OVCH1: variants seen among roughly 807,000 people sequenced by gnomAD.
OVCH1 encodes the protein ovochymase-1.
A neutral mutation model predicts 138.4 loss-of-function variants in OVCH1; 139 were observed. That is an observed-to-expected ratio of 1.00 (90% confidence interval 0.87 to 1.16). The LOEUF is 1.16. OVCH1 is among the 50% of genes most tolerant of loss of function. OVCH1 has a pLI of 0.00. For missense variants in OVCH1, 1,367 were observed against 1,357.9 expected (o/e 1.01, Z -0.11); for synonymous variants, 453 against 467.8 (o/e 0.97, Z 0.41).
At chr12:29,465,179 G>C in exon 17 of OVCH1, 1 of 1,605,326 alleles carries the variant, frequency 6.2e-7, no homozygotes, top group Non-Finnish European at 8.5e-7. Context: ...TTTCTGTCAT[G>C]GTCCCCAGCA....
At chr12:29,436,574 G>A (rs1004471547) in intron 26 of OVCH1, among the ~76,000 whole-genome samples, 1 of 152,232 alleles carries the variant, frequency 6.6e-6, no homozygotes, top group Non-Finnish European at 1.5e-5. Context: ...TGAAGCCGCA[G>A]ACATTTGCGG....
At chr12:29,437,077 G>A (rs189296782) in intron 26 of OVCH1, among the ~76,000 whole-genome samples, 45 of 152,262 alleles carry the variant, frequency 3.0e-4, no homozygotes, top group East Asian at 5.8e-4. Flanking sequence ...GATACAGAGC[G>A]CTGATTGGTG....
chr12:29,456,624 A>G (rs748087654), intron 19 of OVCH1, among the ~76,000 whole-genome samples: 2 of 152,224 alleles, frequency 1.3e-5, no homozygotes, highest in African/African-American at 4.8e-5. Flanking sequence ...TAGCACTAAC[A>G]TCTTCTACAT....
chr12:29,477,293 C>T, intron 11 of OVCH1, 48 bp downstream of exon 11: 3 of 1,613,404 alleles, frequency 1.9e-6, no homozygotes, highest in Non-Finnish European at 2.5e-6. Flanking sequence ...CTCTTCCCCA[C>T]CCACATCAAG....
intron 7 of OVCH1, 99 bp from the exon 8 acceptor site, chr12:29,486,447 C>T (rs1943109710): frequency 3.1e-6 from 3 of 969,094 alleles, no homozygotes; most frequent in Non-Finnish European, 3.0e-6. Context: ...AGAATTATAA[C>T]TTCTACTAAA....
chr12:29,431,054 C>T (rs1018483678), intron 27 of OVCH1: 1 of 330,122 alleles, frequency 3.0e-6, no homozygotes, highest in Non-Finnish European at 6.0e-6. Context: ...CCCAATTAAA[C>T]TTTTATAACA....
chr12:29,428,156 C>T (rs1404777778), intron 27 of OVCH1, among the ~76,000 whole-genome samples: 5 of 152,144 alleles, frequency 3.3e-5, no homozygotes, highest in Non-Finnish European at 4.4e-5. Flanking sequence ...TGTGTGCAAC[C>T]ACCAAAATAC....
At chr12:29,433,677 G>A (rs748004975) in intron 27 of OVCH1, 59 of 1,353,622 alleles carry the variant, frequency 4.4e-5, no homozygotes, top group Admixed American at 1.5e-4. Flanking sequence ...ACAATTTGTT[G>A]GTGGTCTGAA....
chr12:29,469,521 A>G (rs996461609), intron 16 of OVCH1, among the ~76,000 whole-genome samples: 28 of 152,088 alleles, frequency 1.8e-4, no homozygotes, highest in African/African-American at 6.8e-4. Context: ...CAAGCTCAGC[A>G]CATCTGAGCA....
chr12:29,467,431 A>G (rs544217460), intron 16 of OVCH1, among the ~76,000 whole-genome samples: 83 of 152,266 alleles, frequency 5.5e-4, no homozygotes, highest in African/African-American at 1.9e-3. Flanking sequence ...GATTTTTCCA[A>G]TAGTAGGAAC....
intron 27 of OVCH1, among the ~76,000 whole-genome samples, chr12:29,428,836 A>C (rs1195163180): frequency 1.3e-5 from 2 of 152,250 alleles, no homozygotes; most frequent in African/African-American, 4.8e-5. Flanking sequence ...AAGTTGATGC[A>C]ATACTCAATT....
At chr12:29,436,043 G>C (rs1014376870) in intron 26 of OVCH1, among the ~76,000 whole-genome samples, 5 of 151,914 alleles carry the variant, frequency 3.3e-5, no homozygotes, top group Admixed American at 1.3e-4. Flanking sequence ...GAATTATATA[G>C]TTCATCCTGA....
chr12:29,460,578 A>G (rs1219568973), intron 19 of OVCH1, among the ~76,000 whole-genome samples: 1 of 152,160 alleles, frequency 6.6e-6, no homozygotes, highest in East Asian at 1.9e-4. Context: ...TTCCCACAGC[A>G]GCCCTCAAAC....
exon 9 of OVCH1, chr12:29,478,870 T>C (rs1942831654): frequency 4.4e-6 from 7 of 1,594,394 alleles, no homozygotes; most frequent in Admixed American, 1.8e-5. Flanking sequence ...TAAAGATACA[T>C]AGTCATGATC....
rs1942781726 is a variant in OVCH1, at chr12:29,477,486, G to A, written c.1114-13C>T. 1 of 1,613,788 alleles carries A rather than the reference G, an allele frequency of 6.2e-7. No homozygotes were observed. The highest frequency in any genetic ancestry group is 1.1e-5 in the South Asian group (1 of 91,088). ...TTTTTCCACAGACCTTACCTTAAAA[G>A]AAGAGAAGGAAAGTGAAATAACATT... On this transcript the variant is annotated splice_polypyrimidine_tract_variant and intron_variant, in intron 10 of 27. Transcript: ENST00000318184.
chr12:29,451,058 C>T (rs114563326), intron 22 of OVCH1, among the ~76,000 whole-genome samples: 3,645 of 152,024 alleles, frequency 0.024, 116 homozygotes, highest in African/African-American at 0.08. Flanking sequence ...GGAGAAGTAA[C>T]TAATGTAGAT....
intron 4 of OVCH1, among the ~76,000 whole-genome samples, chr12:29,494,055 G>A (rs1943346063): frequency 6.6e-6 from 1 of 152,180 alleles, no homozygotes. Flanking sequence ...ACCTGAGTGA[G>A]GCCTGGCTCA....
intron 9 of OVCH1, 165 bp from the exon 11 acceptor site, chr12:29,477,643 C>T: frequency 1.3e-6 from 2 of 1,568,590 alleles, no homozygotes; most frequent in South Asian, 2.3e-5. Context: ...AGTGACTTTG[C>T]TATTCCAGTC....
At chr12:29,497,601 G>A in intron 1 of OVCH1, 22 bp downstream of exon 1, 1 of 1,613,162 alleles carries the variant, frequency 6.2e-7, no homozygotes, top group Non-Finnish European at 8.5e-7. Context: ...CGCAGTCCTG[G>A]TGCCCAGGTC....
Sources: gnomAD v4.1 joint callset for allele counts (sites outside exome capture counted in the v4.1 genomes callset) on GRCh38, gnomAD v4.1.1 for gene constraint, MANE v1.5 for transcripts, NCBI Gene and HGNC (gene_info 2026-07-23, HGNC 2026-07-21) for gene names.